PPARD: variants seen among roughly 807,000 people sequenced by gnomAD.
The protein encoded by PPARD is peroxisome proliferator-activated receptor delta.
A neutral mutation model predicts 39.5 loss-of-function variants in PPARD; 6 were observed. The ratio of observed to expected loss-of-function variants is 0.15; its 90% CI spans 0.08 to 0.30. The LOEUF is 0.30. PPARD is among the 10% of genes least tolerant of loss of function. PPARD has a pLI of 1.00. For synonymous variants in PPARD, 210 were observed against 231.3 expected (o/e 0.91, Z 0.83); for missense variants, 397 against 596.8 (o/e 0.67, Z 3.49).
Position 35,421,832 on chromosome 6 carries a change from CGT to C in PPARD, c.299_300del (p.Arg100HisfsTer12). The C allele has an allele frequency of 6.2e-7, 1 of 1,611,898 alleles. No homozygotes were observed. The highest frequency in any genetic ancestry group is 2.2e-5 in the East Asian group (1 of 44,848). ...CTTGGTGCTTCAGGGCTTCTTCCGT[CGT>C]ACGATCCGCATGAAGCTGGAGTACG... is the stretch of plus-strand genomic sequence containing the variant. ...ACEGCKGFFR[R>X]TIRMKLEYEK... On this transcript the variant is annotated frameshift_variant, in exon 5 of 8. Transcript: ENST00000360694. LOFTEE classifies it high-confidence loss of function.
At chr6:35,345,765 C>T (rs1425299648) in intron 1 of PPARD, among the ~76,000 whole-genome samples, 2 of 152,050 alleles carry the variant, frequency 1.3e-5, no homozygotes, top group African/African-American at 4.8e-5. Context: ...TTTGGGCCTA[C>T]AGCTGTCCTG....
chr6:35,370,616 A>G (rs1418270589), intron 2 of PPARD, among the ~76,000 whole-genome samples: 1 of 152,076 alleles, frequency 6.6e-6, no homozygotes, highest in Non-Finnish European at 1.5e-5. Context: ...CTCTCCACAC[A>G]CTTCCTGTCT....
chr6:35,351,598 G>A (rs1352459579), intron 2 of PPARD, among the ~76,000 whole-genome samples: 3 of 152,124 alleles, frequency 2.0e-5, no homozygotes, highest in Non-Finnish European at 2.9e-5. Flanking sequence ...AGTCACCCAG[G>A]CTGGAGTGCA....
At chr6:35,355,604 T>G (rs1455128359) in intron 2 of PPARD, among the ~76,000 whole-genome samples, 1 of 95,670 alleles carries the variant, frequency 1.0e-5, no homozygotes, top group African/African-American at 4.8e-5. Context: ...TCTTCTTTTT[T>G]TTTTTTTTTT....
chr6:35,407,939 A>C (rs1004101028), intron 2 of PPARD, among the ~76,000 whole-genome samples: 2 of 152,054 alleles, frequency 1.3e-5, no homozygotes, highest in African/African-American at 4.8e-5. Context: ...TATGTCTCCT[A>C]TTTTAAATTA....
intron 2 of PPARD, among the ~76,000 whole-genome samples, chr6:35,407,244 C>T (rs779604452): frequency 6.6e-6 from 1 of 152,214 alleles, no homozygotes; most frequent in South Asian, 2.1e-4. Context: ...CTTCCTGGCT[C>T]TCATCACCAC....
At chr6:35,355,635 G>A (rs1294852411) in intron 2 of PPARD, among the ~76,000 whole-genome samples, 4 of 90,920 alleles carry the variant, frequency 4.4e-5, no homozygotes, top group Admixed American at 1.5e-4. Flanking sequence ...TTTTTGAGAC[G>A]GAGTCTCGCT....
intron 2 of PPARD, among the ~76,000 whole-genome samples, chr6:35,360,120 G>T (rs527802089): frequency 2.0e-5 from 3 of 152,130 alleles, no homozygotes; most frequent in Non-Finnish European, 4.4e-5. Flanking sequence ...AGTGGACAGA[G>T]GAGGCCCTGA....
chr6:35,360,338 G>T (rs1404575851), intron 2 of PPARD, among the ~76,000 whole-genome samples: 3 of 152,220 alleles, frequency 2.0e-5, no homozygotes, highest in Non-Finnish European at 4.4e-5. Context: ...TGCACATAGG[G>T]AGAGAAATAA....
intron 2 of PPARD, among the ~76,000 whole-genome samples, chr6:35,394,579 T>C (rs1489709036): frequency 6.6e-6 from 1 of 152,090 alleles, no homozygotes; most frequent in African/African-American, 2.4e-5. Context: ...GAGACCAGCC[T>C]GGCCAACATG....
chr6:35,346,402 C>A (rs1363965765), intron 1 of PPARD, among the ~76,000 whole-genome samples: 1 of 152,184 alleles, frequency 6.6e-6, no homozygotes, highest in African/African-American at 2.4e-5. Context: ...TCTGCCAGGC[C>A]CTTGCTTATA....
chr6:35,388,817 G>A (rs1225790006), intron 2 of PPARD, among the ~76,000 whole-genome samples: 1 of 152,072 alleles, frequency 6.6e-6, no homozygotes, highest in Non-Finnish European at 1.5e-5. Flanking sequence ...GCAGAGGGTC[G>A]GTGTCCATGG....
intron 2 of PPARD, among the ~76,000 whole-genome samples, chr6:35,409,283 T>C (rs1765268442): frequency 6.6e-6 from 1 of 152,092 alleles, no homozygotes; most frequent in South Asian, 2.1e-4. Flanking sequence ...GGTGGGCAGA[T>C]TGCTTGAGCC....
chr6:35,378,928 G>C (rs1762969994), intron 2 of PPARD, among the ~76,000 whole-genome samples: 1 of 152,066 alleles, frequency 6.6e-6, no homozygotes, highest in Admixed American at 6.6e-5. Flanking sequence ...CAGAAGAGAA[G>C]GCAATCGAAC....
intron 2 of PPARD, among the ~76,000 whole-genome samples, chr6:35,389,796 A>G (rs1292498810): frequency 1.3e-5 from 2 of 152,234 alleles, no homozygotes; most frequent in Non-Finnish European, 2.9e-5. Context: ...AAAGTGTGCA[A>G]AGAGCTATGC....
At chr6:35,376,826 C>G (rs1762839359) in intron 2 of PPARD, among the ~76,000 whole-genome samples, 1 of 151,794 alleles carries the variant, frequency 6.6e-6, no homozygotes, top group Admixed American at 6.6e-5. Context: ...TGAGACCATC[C>G]TGGCTAACGC....
intron 3 of PPARD, among the ~76,000 whole-genome samples, chr6:35,418,698 G>A (rs1011359802): frequency 1.7e-5 from 1 of 59,148 alleles, no homozygotes; most frequent in Non-Finnish European, 3.4e-5. Flanking sequence ...TCTGGGTCAA[G>A]AGGAACAGTT....
chr6:35,376,200 TTA>T lies in PPARD; in HGVS notation c.-102+29051_-102+29052del, dbSNP rs1460507683. ...TTCCTTCACCCAGCTTCCCCTAATG[TTA>T]ATCTCTTACATTTAATTCTTTCTTA... On this transcript the variant is annotated intron_variant, in intron 2 of 7. Coordinates refer to ENST00000360694, the MANE Select transcript of PPARD (RefSeq NM_006238.5). Among the ~76,000 whole-genome samples, 16 of 152,340 alleles carry T rather than the reference TTA, an allele frequency of 1.1e-4. No individual in the cohort carries two copies. The East Asian group carries it at 2.7e-3, about 26-fold the overall frequency.
intron 2 of PPARD, among the ~76,000 whole-genome samples, chr6:35,402,450 G>T (rs1268146224): frequency 6.6e-6 from 1 of 152,172 alleles, no homozygotes; most frequent in Non-Finnish European, 1.5e-5. Flanking sequence ...CACACCCAAG[G>T]CCCCCTTCTG....
Sources: allele counts gnomAD v4.1 joint callset (sites outside exome capture counted in the v4.1 genomes callset), GRCh38; gene constraint gnomAD v4.1.1; transcripts MANE v1.5; gene names NCBI Gene and HGNC (gene_info 2026-07-23, HGNC 2026-07-21).